Variants in FGD6 observed in about 807,000 individuals in gnomAD.
FGD6 encodes the protein FYVE, RhoGEF and PH domain-containing protein 6.
Under a neutral mutation model 149.4 loss-of-function variants are expected in FGD6, and 90 were observed. The ratio of observed to expected loss-of-function variants is 0.60; its 90% CI spans 0.51 to 0.72. FGD6 has a LOEUF of 0.72. FGD6 is among the 30% of genes least tolerant of loss of function. FGD6 has a pLI of 0.00. For synonymous variants in FGD6, 527 were observed against 584.0 expected (o/e 0.90, Z 1.41); for missense variants, 1,437 against 1,684.8 (o/e 0.85, Z 2.57).
At chr12:95,188,870 A>T (rs1881516815) in intron 2 of FGD6, among the ~76,000 whole-genome samples, 2 of 152,104 alleles carry the variant, frequency 1.3e-5, no homozygotes, top group African/African-American at 2.4e-5. Context: ...GAATTAGAGA[A>T]AGCTATCCCC....
intron 2 of FGD6, 109 bp downstream of exon 2, chr12:95,208,734 A>C: frequency 7.9e-7 from 1 of 1,270,200 alleles, no homozygotes; most frequent in Non-Finnish European, 1.1e-6. Context: ...CATTTTCTAA[A>C]CTATTCCTTC....
chr12:95,143,300 T>G (rs1445415284), intron 5 of FGD6, among the ~76,000 whole-genome samples: 15 of 151,978 alleles, frequency 9.9e-5, no homozygotes, highest in Admixed American at 9.2e-4. Flanking sequence ...TTTGTTTTTT[T>G]TTTTTTTAAC....
chr12:95,152,724 A>G (rs541268234), intron 5 of FGD6, 87 bp downstream of exon 5: 3 of 1,157,698 alleles, frequency 2.6e-6, no homozygotes, highest in Non-Finnish European at 3.7e-6. Flanking sequence ...TCTATCATTA[A>G]GTTAGTAATG....
chr12:95,106,924 A>ACACAAAACAAAAC, intron 13 of FGD6, 30 bp downstream of exon 13: 1 of 1,171,814 alleles, frequency 8.5e-7, no homozygotes, highest in Admixed American at 2.0e-5. Context: ...AAACAAAACA[A>ACACAAAACAAAAC]AAAACAAAAC....
chr12:95,144,606 G>C (rs1305617339), intron 5 of FGD6, among the ~76,000 whole-genome samples: 3 of 152,028 alleles, frequency 2.0e-5, no homozygotes, highest in Middle Eastern at 3.4e-3. Flanking sequence ...TGGTCAGGCT[G>C]GGCTCGAACT....
chr12:95,178,539 C>G (rs1315692507), intron 2 of FGD6, among the ~76,000 whole-genome samples: 1 of 152,106 alleles, frequency 6.6e-6, no homozygotes, highest in African/African-American at 2.4e-5. Context: ...AAATCCTTCC[C>G]CCTGAAAGAA....
chr12:95,159,762 G>A (rs1880582540), intron 3 of FGD6, among the ~76,000 whole-genome samples: 2 of 152,166 alleles, frequency 1.3e-5, no homozygotes. Context: ...GAACCCAGGA[G>A]GTTGAGGCTG....
chr12:95,216,685 A>C (rs1002443475), intron 1 of FGD6, among the ~76,000 whole-genome samples: 1 of 151,630 alleles, frequency 6.6e-6, no homozygotes, highest in Admixed American at 6.6e-5. Flanking sequence ...AAAAAAAAAA[A>C]AAAAAACCTC....
intron 5 of FGD6, among the ~76,000 whole-genome samples, chr12:95,152,313 A>G (rs186291739): frequency 4.5e-4 from 68 of 152,250 alleles, no homozygotes; most frequent in Non-Finnish European, 5.4e-4. Flanking sequence ...GGGCAACAGA[A>G]TAAGATGCTC....
intron 3 of FGD6, among the ~76,000 whole-genome samples, chr12:95,160,435 G>A (rs936179088): frequency 1.7e-4 from 26 of 152,160 alleles, no homozygotes; most frequent in African/African-American, 6.3e-4. Flanking sequence ...TGGTGGGCAT[G>A]GTAGCCCCTA....
intron 13 of FGD6, among the ~76,000 whole-genome samples, chr12:95,105,841 T>C (rs559336913): frequency 6.6e-6 from 1 of 152,148 alleles, no homozygotes; most frequent in African/African-American, 2.4e-5. Context: ...CTGGCCGACA[T>C]AGTGAAACCC....
At chr12:95,204,285 T>G (rs909391996) in intron 2 of FGD6, among the ~76,000 whole-genome samples, 10 of 152,158 alleles carry the variant, frequency 6.6e-5, no homozygotes, top group African/African-American at 2.2e-4. Context: ...TCGTCCTTTC[T>G]CCTCTGGGGT....
intron 14 of FGD6, among the ~76,000 whole-genome samples, chr12:95,102,082 G>A (rs555602173): frequency 0.018 from 2,684 of 151,608 alleles, 84 homozygotes; most frequent in African/African-American, 0.061. Context: ...GAGTGGGGGT[G>A]GATCACCTGA....
chr12:95,081,450 G>A lies in FGD6; in HGVS notation c.*70C>T, dbSNP rs1204014390. The A allele has an allele frequency of 2.3e-6, 3 of 1,323,236 alleles. No homozygotes were observed. Among genetic ancestry groups the A allele is most frequent in the African/African-American group, 1.5e-5 (1 of 67,750 alleles). The allele number at this position is 1,323,236 out of a possible 1,614,324, so 82.0% of individuals were successfully genotyped here. ...CAGTGTTCATTTTTATACAATTTTTGAATTGCATTTACTCCATTCTGATGA... is the reference window on the plus strand; with the variant it reads ...CAGTGTTCATTTTTATACAATTTTTAAATTGCATTTACTCCATTCTGATGA... On this transcript the variant is annotated 3_prime_UTR_variant, in exon 21 of 21. Transcript: ENST00000343958.
At chr12:95,177,155 C>T (rs1292920378) in intron 2 of FGD6, among the ~76,000 whole-genome samples, 1 of 152,154 alleles carries the variant, frequency 6.6e-6, no homozygotes, top group Non-Finnish European at 1.5e-5. Flanking sequence ...AATACTAAAT[C>T]CATTTCCTCT....
intron 7 of FGD6, 48 bp from the exon 8 acceptor site, chr12:95,134,874 A>G (rs2136258237): frequency 6.6e-7 from 1 of 1,508,166 alleles, no homozygotes; most frequent in South Asian, 1.2e-5. Context: ...CTAAGAAGCA[A>G]GGGACCCAGA....
At chr12:95,142,579 G>A (rs989752785) in intron 5 of FGD6, among the ~76,000 whole-genome samples, 2 of 152,162 alleles carry the variant, frequency 1.3e-5, no homozygotes, top group African/African-American at 4.8e-5. Flanking sequence ...TGCCTGGCAG[G>A]CACATGCTTG....
At chr12:95,141,285 AC>A in intron 6 of FGD6, 102 bp downstream of exon 6, 1 of 1,209,838 alleles carries the variant, frequency 8.3e-7, no homozygotes, top group South Asian at 1.5e-5. Context: ...ATATATTCAA[AC>A]AACTCAATGT....
chr12:95,167,782 C>T (rs1482505604), intron 3 of FGD6, among the ~76,000 whole-genome samples: 2 of 151,934 alleles, frequency 1.3e-5, no homozygotes, highest in Non-Finnish European at 2.9e-5. Flanking sequence ...ACCATGTTGG[C>T]CAGACTGGTA....
Sources: gnomAD v4.1 joint callset for allele counts (sites outside exome capture counted in the v4.1 genomes callset) on GRCh38, gnomAD v4.1.1 for gene constraint, MANE v1.5 for transcripts, NCBI Gene and HGNC (gene_info 2026-07-23, HGNC 2026-07-21) for gene names.